Variants in ZDHHC18 observed in about 807,000 individuals in gnomAD.
ZDHHC18 encodes the protein zDHHC palmitoyltransferase 18.
A neutral mutation model predicts 37.5 loss-of-function variants in ZDHHC18; 23 were observed. The observed-to-expected ratio is 0.61, with a 90% CI of 0.44 to 0.87. The LOEUF (loss-of-function observed/expected upper bound fraction) is 0.87. Among genes scored for constraint, ZDHHC18 ranks in the 40% least tolerant of loss-of-function variants. The probability of loss-of-function intolerance (pLI) is 0.00; values close to 1 mark genes in which losing one functional copy is unlikely to be tolerated. For synonymous variants in ZDHHC18, 185 were observed against 218.7 expected (o/e 0.85, Z 1.36); for missense variants, 406 against 525.6 (o/e 0.77, Z 2.22).
chr1:26,852,940 C>T, intron 7 of ZDHHC18, 75 bp downstream of exon 7: 3 of 1,351,452 alleles, frequency 2.2e-6, no homozygotes, highest in Non-Finnish European at 3.1e-6. Flanking sequence ...TGGATATCAG[C>T]CGACCTCCCC....
rs2081735394 is a variant in ZDHHC18 at position 26,856,563 on chromosome 1, TGAG to T, written c.*2722_*2724del. 4.9e-6 allele frequency: 1 copy of T among 203,250 alleles called. No individual in the cohort carries two copies. Among genetic ancestry groups the T allele is most frequent in the Admixed American group, 4.9e-5 (1 of 20,378 alleles). The allele number at this position is 203,250 out of a possible 1,614,324, so 12.6% of individuals were successfully genotyped here. ...TGGGGAGAGGATGGCGAACCTGCCC[TGAG>T]GTGCTTGGGTCTGTGCTGGTGGGGT... On this transcript the variant is annotated 3_prime_UTR_variant, in exon 8 of 8. Transcript: ENST00000374142. This position sits in a 1 kb window ranked among gnomAD's most constrained non-coding sequence, Gnocchi z 5.2.
chr1:26,830,735 A>G (rs1036549577), intron 1 of ZDHHC18, among the ~76,000 whole-genome samples: 3 of 151,634 alleles, frequency 2.0e-5, no homozygotes, highest in East Asian at 3.9e-4. Flanking sequence ...AACATAGTCT[A>G]TACCCACAGA....
chr1:26,832,118 C>T, intron 1 of ZDHHC18: 1 of 254,228 alleles, frequency 3.9e-6, no homozygotes, highest in Non-Finnish European at 7.6e-6. Flanking sequence ...TGGTTTGTCT[C>T]AGGTGACAGT....
At chr1:26,845,073 C>A (rs1169518854) in intron 2 of ZDHHC18, among the ~76,000 whole-genome samples, 1 of 151,750 alleles carries the variant, frequency 6.6e-6, no homozygotes, top group South Asian at 2.1e-4. Context: ...TACAGGCATG[C>A]GCCACCATGC....
Position 26,855,268 on chromosome 1 carries a change from C to G in ZDHHC18, c.*1425C>G, listed in dbSNP as rs1383882875. On this transcript the variant is annotated 3_prime_UTR_variant, in exon 8 of 8. Transcript: ENST00000374142. ...CCAGGAGCTGGAAGACAAGGTGTTTCTGCCAAACGGGGACCTCCATCCAGA... is the reference window on the plus strand; with the variant it reads ...CCAGGAGCTGGAAGACAAGGTGTTTGTGCCAAACGGGGACCTCCATCCAGA... 1 of 152,374 alleles carries G rather than the reference C, an allele frequency of 6.6e-6. No individual in the cohort carries two copies. The highest frequency in any genetic ancestry group is 2.4e-5 in the African/African-American group (1 of 41,468). 9.4% of individuals were successfully genotyped at this position (152,374 alleles called of 1,614,324 possible). A position where few individuals can be genotyped will look rare whatever the true frequency, so the allele number is the denominator to read the frequency against.
chr1:26,844,087 T>C (rs1436746346), intron 2 of ZDHHC18, among the ~76,000 whole-genome samples: 2 of 152,164 alleles, frequency 1.3e-5, no homozygotes, highest in African/African-American at 4.8e-5. Context: ...TCACCCAGAC[T>C]GGAGTGCAAT....
intron 2 of ZDHHC18, among the ~76,000 whole-genome samples, chr1:26,846,959 G>T (rs1024848751): frequency 1.3e-5 from 2 of 150,890 alleles, no homozygotes; most frequent in African/African-American, 2.4e-5. Context: ...GCAGTGGCAT[G>T]ATCTCGGCTC....
In ZDHHC18 at chr1:26,853,869, T is replaced by A; in HGVS notation, c.*26T>A. On this transcript the variant is annotated 3_prime_UTR_variant, in exon 8 of 8. Transcript: ENST00000374142. ...CCACGGCTCAGTACTTGCCACCTGC[T>A]GGCCTGTCTGACCCTCCGCACTCAC... 1 of 1,604,190 alleles carries A rather than the reference T, an allele frequency of 6.2e-7. No individual in the cohort carries two copies. Among genetic ancestry groups the A allele is most frequent in the Non-Finnish European group, 8.5e-7 (1 of 1,173,264 alleles).
At chr1:26,851,381 A>G in intron 6 of ZDHHC18, 150 bp downstream of exon 6, 1 of 720,710 alleles carries the variant, frequency 1.4e-6, no homozygotes, top group Non-Finnish European at 2.4e-6. Context: ...CAGTCATCTC[A>G]GCTTGGCCCT....
Position 26,827,070 on chromosome 1 carries a change from G to T in ZDHHC18, c.266G>T (p.Gly89Val). Residue 89 changes from glycine (G) to valine (V), a missense_variant, in exon 1 of 8, where the codon GGC becomes GTC. Physicochemically the swap from Gly to Val is moderately radical, Grantham distance 109. Transcript: ENST00000374142. Reference sequence around the variant, plus strand: ...TGCGGCGGCCGCCTCATGCTGGCCGGCCACGGCGGCGTCTTCGCGCTCACG... The same window carrying T: ...TGCGGCGGCCGCCTCATGCTGGCCGTCCACGGCGGCGTCTTCGCGCTCACG... ...FYCGGRLMLA[G>V]HGGVFALTLL... is the part of the protein sequence containing the mutation. The T allele has an allele frequency of 7.2e-7, 1 of 1,384,734 alleles. No homozygotes were observed. The highest frequency in any genetic ancestry group is 9.3e-7 in the Non-Finnish European group (1 of 1,069,630). 85.8% of individuals were successfully genotyped at this position (1,384,734 alleles called of 1,614,324 possible). A position where few individuals can be genotyped will look rare whatever the true frequency, so the allele number is the denominator to read the frequency against.
intron 2 of ZDHHC18, among the ~76,000 whole-genome samples, chr1:26,836,304 T>TTCC (rs149437588): frequency 1.2e-4 from 18 of 152,264 alleles, no homozygotes; most frequent in South Asian, 1.0e-3. Flanking sequence ...CTCTGCCCAC[T>TTCC]TCCCCTGGAC....
At chr1:26,848,837 G>T (rs576098532) in intron 3 of ZDHHC18, 80 bp downstream of exon 3, 3 of 1,538,332 alleles carry the variant, frequency 2.0e-6, no homozygotes, top group Non-Finnish European at 2.6e-6. Flanking sequence ...TCAAGCATGG[G>T]GATGGCGTGG....
At chr1:26,830,203 C>T (rs893788206) in intron 1 of ZDHHC18, among the ~76,000 whole-genome samples, 5 of 152,220 alleles carry the variant, frequency 3.3e-5, no homozygotes, top group Non-Finnish European at 7.3e-5. Flanking sequence ...GATCTCAGGC[C>T]TCCCAGGGCC....
Position 26,839,594 on chromosome 1 carries a change from G to A in ZDHHC18, c.496+6987G>A, listed in dbSNP as rs189286361. ...TTCAGCCCCACCTTCTATTATTGGA[G>A]TGAACTTGCTTTCCCATCTGTAACT... On this transcript the variant is annotated intron_variant, in intron 2 of 7. Coordinates refer to ENST00000374142, the MANE Select transcript of ZDHHC18 (RefSeq NM_032283.3). Among the ~76,000 whole-genome samples the A allele has an allele frequency of 5.3e-5, 8 of 152,284 alleles. No homozygotes were observed. The East Asian group carries it at 7.7e-4, about 15-fold the overall frequency.
intron 5 of ZDHHC18, 83 bp from the exon 6 acceptor site, chr1:26,851,046 C>T: frequency 2.3e-6 from 3 of 1,314,972 alleles, no homozygotes; most frequent in Non-Finnish European, 3.3e-6. Flanking sequence ...GGAAACAGCT[C>T]CATGGAAGGA....
chr1:26,851,400 C>T (rs1036168398), intron 6 of ZDHHC18, among the ~76,000 whole-genome samples, 169 bp downstream of exon 6: 2 of 152,140 alleles, frequency 1.3e-5, no homozygotes, highest in African/African-American at 2.4e-5. Flanking sequence ...CTGGTGGGTC[C>T]GATGCAGGCT....
At chr1:26,831,364 A>G (rs1223444374) in intron 1 of ZDHHC18, among the ~76,000 whole-genome samples, 1 of 152,248 alleles carries the variant, frequency 6.6e-6, no homozygotes, top group Non-Finnish European at 1.5e-5. Flanking sequence ...TGAAGTCCTC[A>G]GTAGGGCCCA....
At chr1:26,846,296 A>G (rs1184910136) in intron 2 of ZDHHC18, among the ~76,000 whole-genome samples, 1,521 of 37,410 alleles carry the variant, frequency 0.041, 24 homozygotes, top group Non-Finnish European at 0.047. Context: ...GTGTGTATAT[A>G]TATATATATA....
At chr1:26,841,043 C>G (rs1332259138) in intron 2 of ZDHHC18, among the ~76,000 whole-genome samples, 1 of 152,012 alleles carries the variant, frequency 6.6e-6, no homozygotes, top group Non-Finnish European at 1.5e-5. Flanking sequence ...GTGGCGTGAT[C>G]TCAGCTCACT....
Sources: gnomAD v4.1 joint callset for allele counts (sites outside exome capture counted in the v4.1 genomes callset) on GRCh38, gnomAD v4.1.1 for gene constraint, Gnocchi (gnomAD v3.1) non-coding constraint, MANE v1.5 for transcripts, NCBI Gene and HGNC (gene_info 2026-07-23, HGNC 2026-07-21) for gene names.